LRRC8C: variants seen among roughly 807,000 people sequenced by gnomAD.
LRRC8C encodes the protein leucine rich repeat containing 8 VRAC subunit C.
In LRRC8C, 20 loss-of-function variants were observed where a neutral mutation model predicts 55.3. The ratio of observed to expected loss-of-function variants is 0.36; its 90% CI spans 0.25 to 0.53. The LOEUF is 0.53. Ranked by LOEUF, LRRC8C falls within the 20% of genes least tolerant of loss-of-function variation. LRRC8C has a pLI of 0.92. For synonymous variants in LRRC8C, 376 were observed against 360.7 expected (o/e 1.04, Z -0.48); for missense variants, 659 against 951.4 (o/e 0.69, Z 4.04).
intron 1 of LRRC8C, among the ~76,000 whole-genome samples, chr1:89,685,292 G>C (rs1657842135): frequency 3.0e-5 from 1 of 33,302 alleles, no homozygotes; most frequent in African/African-American, 1.1e-4. Context: ...CTAATTTTTT[G>C]TATTTTTAGT....
intron 2 of LRRC8C, among the ~76,000 whole-genome samples, chr1:89,703,547 TAAAAA>T (rs75382206): frequency 3.2e-5 from 4 of 126,696 alleles, no homozygotes; most frequent in African/African-American, 1.2e-4. Context: ...GTACAGATTG[TAAAAA>T]AAAAAAAAAA....
intron 2 of LRRC8C, among the ~76,000 whole-genome samples, chr1:89,692,633 A>T (rs1408677134): frequency 6.6e-6 from 1 of 152,222 alleles, no homozygotes; most frequent in African/African-American, 2.4e-5. Flanking sequence ...ATGAAATAAG[A>T]GCATGTATAA....
intron 2 of LRRC8C, among the ~76,000 whole-genome samples, chr1:89,704,855 G>T (rs1478234543): frequency 1.3e-5 from 2 of 152,096 alleles, no homozygotes; most frequent in Non-Finnish European, 2.9e-5. Flanking sequence ...CATTGTGGAA[G>T]TCAGTGTGGC....
intron 1 of LRRC8C, among the ~76,000 whole-genome samples, chr1:89,664,148 A>T (rs1431217761): frequency 6.6e-6 from 1 of 152,060 alleles, no homozygotes; most frequent in Non-Finnish European, 1.5e-5. Flanking sequence ...TAGTTTAATT[A>T]TATCCCATTT....
At chr1:89,619,360 A>G in the LRRC8C span, among the ~76,000 whole-genome samples, 1 of 151,620 alleles carries the variant, frequency 6.6e-6, no homozygotes, top group South Asian at 2.1e-4. Flanking sequence ...ATAAAAATGT[A>G]GAAACATTTT....
At chr1:89,621,276 T>C in the LRRC8C span, among the ~76,000 whole-genome samples, 69 of 141,214 alleles carry the variant, frequency 4.9e-4, no homozygotes, top group East Asian at 8.9e-3. Context: ...CTGGCTAACA[T>C]GGTGAAACCC....
the LRRC8C span, among the ~76,000 whole-genome samples, chr1:89,625,401 C>T: frequency 2.0e-5 from 3 of 152,118 alleles, no homozygotes; most frequent in Admixed American, 1.3e-4. Flanking sequence ...CTCATCAATT[C>T]CAGCTTATGT....
At chr1:89,653,876 T>A (rs1235901396) in intron 1 of LRRC8C, among the ~76,000 whole-genome samples, 30 of 152,210 alleles carry the variant, frequency 2.0e-4, no homozygotes, top group Non-Finnish European at 2.9e-5. Flanking sequence ...GCAGTATCAC[T>A]GCTAGGTATC....
intron 2 of LRRC8C, among the ~76,000 whole-genome samples, chr1:89,702,495 G>C (rs962148797): frequency 6.6e-6 from 1 of 152,180 alleles, no homozygotes; most frequent in Non-Finnish European, 1.5e-5. Flanking sequence ...TGCACTTTGG[G>C]AGGCCGAGGC....
Position 89,714,713 on chromosome 1 carries a change from T to C in LRRC8C, c.2143T>C (p.Cys715Arg), listed in dbSNP as rs372538740. Residue 715 changes from cysteine to arginine, a missense_variant, in exon 3 of 3, where the codon TGT (cysteine) becomes CGT (arginine). Physicochemically the swap from Cys to Arg is radical, Grantham distance 180. Coordinates refer to ENST00000370454, the MANE Select transcript of LRRC8C (RefSeq NM_032270.5). The surrounding 1 kb of genome is among the most constrained non-coding windows in gnomAD (Gnocchi z 4.6). Reference sequence around the variant, plus strand: ...AAGTTTACAGTATTTTTCCATCACATGTAACAAAGTGGAAAGCCTTCCAGA... The same window carrying C: ...AAGTTTACAGTATTTTTCCATCACACGTAACAAAGTGGAAAGCCTTCCAGA... ...LQSLQYFSIT[C>R]NKVESLPDEL... 11 of 1,614,160 alleles carry C rather than the reference T, an allele frequency of 6.8e-6. No individual in the cohort carries two copies. The highest frequency in any genetic ancestry group is 2.2e-5 in the East Asian group (1 of 44,892).
chr1:89,656,964 G>A (rs1656961522), intron 1 of LRRC8C, among the ~76,000 whole-genome samples: 1 of 151,772 alleles, frequency 6.6e-6, no homozygotes, highest in Admixed American at 6.6e-5. Context: ...ATGATTCAAA[G>A]GGGTTAAATA....
At chr1:89,635,044 T>C (rs1055721510) in intron 1 of LRRC8C, among the ~76,000 whole-genome samples, 1 of 152,214 alleles carries the variant, frequency 6.6e-6, no homozygotes, top group Non-Finnish European at 1.5e-5. Flanking sequence ...TACTAATCTA[T>C]TATTTCTCAG....
chr1:89,616,973 G>C, the LRRC8C span, among the ~76,000 whole-genome samples: 6 of 152,172 alleles, frequency 3.9e-5, no homozygotes, highest in African/African-American at 9.7e-5. Context: ...CTAGGCAGTG[G>C]ATACTCAATG....
chr1:89,652,475 G>A (rs779591911), intron 1 of LRRC8C, among the ~76,000 whole-genome samples: 2 of 152,182 alleles, frequency 1.3e-5, no homozygotes, highest in Non-Finnish European at 2.9e-5. Flanking sequence ...AATTTGCATA[G>A]TGGCTGGGTC....
intron 1 of LRRC8C, among the ~76,000 whole-genome samples, chr1:89,639,313 T>C: frequency 6.6e-6 from 1 of 152,164 alleles, no homozygotes; most frequent in African/African-American, 2.4e-5. Context: ...AAACACTGCG[T>C]TCCATAACTA....
chr1:89,666,374 C>A (rs962627535), intron 1 of LRRC8C, among the ~76,000 whole-genome samples: 2 of 150,966 alleles, frequency 1.3e-5, no homozygotes, highest in African/African-American at 4.9e-5. Flanking sequence ...TGTAACAAAC[C>A]TGCACCTTGT....
At chr1:89,667,035 A>G (rs886344848) in intron 1 of LRRC8C, among the ~76,000 whole-genome samples, 1 of 152,162 alleles carries the variant, frequency 6.6e-6, no homozygotes, top group South Asian at 2.1e-4. Flanking sequence ...AATATTTTCA[A>G]TAGGGTAGCC....
chr1:89,636,674 G>A lies in LRRC8C; in HGVS notation c.-5+3352G>A, dbSNP rs1053336426. On this transcript the variant is annotated intron_variant, in intron 1 of 2. Coordinates refer to ENST00000370454, the MANE Select transcript of LRRC8C (RefSeq NM_032270.5). ...AGCTGAAATTCTGCATCTCCTACAA[G>A]GCTCAGCATAAAAGCTACCTCCTTC... Among the ~76,000 whole-genome samples, 14 of 151,946 alleles carry A rather than the reference G, an allele frequency of 9.2e-5. 1 individual carries two copies. The East Asian group carries it at 2.3e-3, about 25-fold the overall frequency.
chr1:89,658,330 C>G (rs1337621130), intron 1 of LRRC8C, among the ~76,000 whole-genome samples: 2 of 152,152 alleles, frequency 1.3e-5, no homozygotes, highest in East Asian at 3.9e-4. Context: ...GAAATATTAA[C>G]TTATTCGGGT....
Sources: gnomAD v4.1 joint callset for allele counts (sites outside exome capture counted in the v4.1 genomes callset) on GRCh38, gnomAD v4.1.1 for gene constraint, Gnocchi (gnomAD v3.1) non-coding constraint, MANE v1.5 for transcripts, NCBI Gene and HGNC (gene_info 2026-07-23, HGNC 2026-07-21) for gene names.